Variants in ZNF804A observed in about 807,000 individuals in gnomAD.
ZNF804A encodes zinc finger protein 804A.
In ZNF804A, 2 loss-of-function variants were observed where a neutral mutation model predicts 16.5. The ratio of observed to expected loss-of-function variants is 0.12; its 90% CI spans 0.05 to 0.38. ZNF804A has a LOEUF of 0.38. ZNF804A is among the 10% of genes least tolerant of loss of function. The pLI is 0.99. For missense variants in ZNF804A, 1,473 were observed against 1,390.7 expected (o/e 1.06, Z -0.94); for synonymous variants, 534 against 489.6 (o/e 1.09, Z -1.20).
rs374983164 is a variant in ZNF804A at position 184,746,170 on chromosome 2, C to T, written c.112-120199C>T. ...TATATCCATCACCTAAAACATTTATCATTATTTTGTGTTGCGAACATTTCA... is the reference window on the plus strand; with the variant it reads ...TATATCCATCACCTAAAACATTTATTATTATTTTGTGTTGCGAACATTTCA... On this transcript the variant is annotated intron_variant, in intron 1 of 3. Coordinates refer to ENST00000302277, the MANE Select transcript of ZNF804A (RefSeq NM_194250.2). 2.6e-5 allele frequency among the ~76,000 whole-genome samples: 4 copies of T among 151,510 alleles called. No individual in the cohort carries two copies. In the East Asian group the frequency reaches 7.8e-4, roughly 29 times the overall value.
chr2:184,859,061 T>C (rs1244437833), intron 1 of ZNF804A, among the ~76,000 whole-genome samples: 1 of 152,188 alleles, frequency 6.6e-6, no homozygotes, highest in Non-Finnish European at 1.5e-5. Flanking sequence ...TATTCGATTC[T>C]TTTTTATTGC....
intron 1 of ZNF804A, among the ~76,000 whole-genome samples, chr2:184,855,238 A>C (rs959410564): frequency 3.3e-5 from 5 of 152,110 alleles, no homozygotes; most frequent in Non-Finnish European, 7.4e-5. Context: ...ACTTGCTGTC[A>C]TAGTCAAAAG....
intron 1 of ZNF804A, among the ~76,000 whole-genome samples, chr2:184,830,114 A>C (rs760958667): frequency 3.5e-4 from 33 of 94,038 alleles, no homozygotes; most frequent in Middle Eastern, 4.9e-3. Flanking sequence ...ACCCACCCAC[A>C]CACACACACA....
intron 2 of ZNF804A, among the ~76,000 whole-genome samples, chr2:184,879,542 A>G (rs558565287): frequency 1.3e-4 from 20 of 152,194 alleles, no homozygotes; most frequent in Admixed American, 1.2e-3. Flanking sequence ...AGTCTTCAGC[A>G]AACAAGTATG....
chr2:184,636,530 T>C (rs371742147), intron 1 of ZNF804A, among the ~76,000 whole-genome samples: 1 of 128,652 alleles, frequency 7.8e-6, no homozygotes, highest in African/African-American at 3.1e-5. Context: ...GGACAAAGCA[T>C]GTGAGATTGG....
intron 1 of ZNF804A, among the ~76,000 whole-genome samples, chr2:184,803,949 G>T (rs902936591): frequency 6.6e-6 from 1 of 151,948 alleles, no homozygotes; most frequent in Non-Finnish European, 1.5e-5. Flanking sequence ...TGCAACCTCC[G>T]CCTCCCGGGT....
At chr2:184,933,243 A>T (rs947462219) in intron 2 of ZNF804A, among the ~76,000 whole-genome samples, 1 of 152,180 alleles carries the variant, frequency 6.6e-6, no homozygotes, top group African/African-American at 2.4e-5. Context: ...ACAGAAATAC[A>T]TAAGCAATAA....
At chr2:184,700,948 A>T (rs977060115) in intron 1 of ZNF804A, among the ~76,000 whole-genome samples, 1 of 151,986 alleles carries the variant, frequency 6.6e-6, no homozygotes, top group Admixed American at 6.6e-5. Flanking sequence ...TCAGACATGT[A>T]TTATTTCTTT....
At chr2:184,793,913 A>G (rs772450163) in intron 1 of ZNF804A, among the ~76,000 whole-genome samples, 2 of 151,994 alleles carry the variant, frequency 1.3e-5, no homozygotes, top group Non-Finnish European at 2.9e-5. Flanking sequence ...ATTCCTTTCT[A>G]TGGCTGAGTA....
intron 2 of ZNF804A, among the ~76,000 whole-genome samples, chr2:184,910,374 T>C (rs778524111): frequency 1.3e-5 from 2 of 152,070 alleles, no homozygotes; most frequent in Non-Finnish European, 2.9e-5. Context: ...CAGTTCACTG[T>C]TGATGGACAA....
intron 1 of ZNF804A, among the ~76,000 whole-genome samples, chr2:184,782,163 CA>C (rs1167669197): frequency 6.6e-6 from 1 of 151,650 alleles, no homozygotes; most frequent in Non-Finnish European, 1.5e-5. Flanking sequence ...GTTAGGACTT[CA>C]ACATATGAAT....
At chr2:184,779,063 T>C (rs1045382549) in intron 1 of ZNF804A, among the ~76,000 whole-genome samples, 1 of 151,692 alleles carries the variant, frequency 6.6e-6, no homozygotes, top group African/African-American at 2.4e-5. Flanking sequence ...TTCACCATTG[T>C]TTATCATTTG....
intron 1 of ZNF804A, among the ~76,000 whole-genome samples, chr2:184,849,270 T>C (rs988513391): frequency 6.6e-6 from 1 of 152,022 alleles, no homozygotes; most frequent in African/African-American, 2.4e-5. Flanking sequence ...TCCCATACCA[T>C]GAGTTATAGT....
chr2:184,871,350 G>C (rs2105813447), intron 2 of ZNF804A, among the ~76,000 whole-genome samples: 1 of 149,818 alleles, frequency 6.7e-6, no homozygotes, highest in African/African-American at 2.5e-5. Flanking sequence ...AAACTCTGAT[G>C]ATGATTTCTG....
intron 1 of ZNF804A, among the ~76,000 whole-genome samples, chr2:184,695,351 C>G (rs763007723): frequency 6.6e-6 from 1 of 151,148 alleles, no homozygotes; most frequent in Non-Finnish European, 1.5e-5. Flanking sequence ...GTCCCAGCTA[C>G]TCGGGAGGCT....
intron 1 of ZNF804A, among the ~76,000 whole-genome samples, chr2:184,787,049 A>G (rs530751936): frequency 3.3e-5 from 5 of 151,898 alleles, no homozygotes; most frequent in Admixed American, 6.6e-5. Flanking sequence ...GGCTTCTAGT[A>G]TACCCTTCAC....
chr2:184,692,071 T>C (rs1000973080), intron 1 of ZNF804A, among the ~76,000 whole-genome samples: 1 of 152,172 alleles, frequency 6.6e-6, no homozygotes, highest in Admixed American at 6.5e-5. Flanking sequence ...TATGTCTTTG[T>C]CTAGAAAAAA....
chr2:184,889,665 C>T (rs1402366174), intron 2 of ZNF804A, among the ~76,000 whole-genome samples: 1 of 151,700 alleles, frequency 6.6e-6, no homozygotes, highest in Admixed American at 6.6e-5. Flanking sequence ...AATATTAAAG[C>T]TGCCCACACA....
chr2:184,800,339 T>C (rs931307132), intron 1 of ZNF804A, among the ~76,000 whole-genome samples: 1 of 149,158 alleles, frequency 6.7e-6, no homozygotes, highest in Non-Finnish European at 1.5e-5. Context: ...TTCTGCCTTA[T>C]TTAGGGTTAA....
Sources: allele counts gnomAD v4.1 joint callset (sites outside exome capture counted in the v4.1 genomes callset), GRCh38; gene constraint gnomAD v4.1.1; transcripts MANE v1.5; gene names NCBI Gene and HGNC (gene_info 2026-07-23, HGNC 2026-07-21).